The following PPP4R3A variants were observed in gnomAD, a reference collection of about 807,000 sequenced individuals.
The protein encoded by PPP4R3A is serine/threonine-protein phosphatase 4 regulatory subunit 3A.
In PPP4R3A, 15 loss-of-function variants were observed where a neutral mutation model predicts 91.7. The ratio of observed to expected loss-of-function variants is 0.16; its 90% CI spans 0.11 to 0.25. The LOEUF (loss-of-function observed/expected upper bound fraction) is 0.25, where lower values mean the gene tolerates loss of function less well. PPP4R3A is among the 10% of genes least tolerant of loss of function. The pLI, the probability that PPP4R3A is intolerant of heterozygous loss-of-function variation, is 1.00. For missense variants in PPP4R3A, 623 were observed against 998.4 expected (o/e 0.62, Z 5.07); for synonymous variants, 377 against 348.7 (o/e 1.08, Z -0.91).
intron 4 of PPP4R3A, among the ~76,000 whole-genome samples, chr14:91,481,144 G>A (rs1342355950): frequency 6.6e-6 from 1 of 152,158 alleles, no homozygotes; most frequent in Non-Finnish European, 1.5e-5. Flanking sequence ...GCCAGCCTGG[G>A]CAGTATGACA....
chr14:91,468,350 T>C (rs1183627398), intron 10 of PPP4R3A, among the ~76,000 whole-genome samples: 2 of 152,168 alleles, frequency 1.3e-5, no homozygotes, highest in African/African-American at 4.8e-5. Flanking sequence ...TCCTTTGCTT[T>C]CAGCTGCATT....
intron 2 of PPP4R3A, among the ~76,000 whole-genome samples, chr14:91,486,442 G>GATT (rs1488026842): frequency 6.6e-6 from 1 of 152,014 alleles, no homozygotes; most frequent in Non-Finnish European, 1.5e-5. Flanking sequence ...AAAGCACTGG[G>GATT]ATTACAGGCA....
intron 2 of PPP4R3A, among the ~76,000 whole-genome samples, chr14:91,488,203 T>TAA (rs11310905): frequency 2.1e-5 from 3 of 142,532 alleles, no homozygotes; most frequent in Non-Finnish European, 3.1e-5. Context: ...ACCCCATCTC[T>TAA]AAAAAAAAAA....
chr14:91,470,729 G>A lies in PPP4R3A; in HGVS notation c.1660+108C>T, dbSNP rs529940749. 22 of 1,265,400 alleles carry A rather than the reference G, an allele frequency of 1.7e-5. No individual in the cohort carries two copies. The East Asian group carries it at 2.2e-4, about 12-fold the overall frequency. 78.4% of individuals were successfully genotyped at this position (1,265,400 alleles called of 1,614,324 possible). On this transcript the variant is annotated intron_variant, in intron 10 of 14. Transcript: ENST00000554943. ...TAATCAGTGGCAGAGCTAGTATTAC[G>A]ACCTAGATCTCCTGACCTGTAATCA...
intron 2 of PPP4R3A, among the ~76,000 whole-genome samples, chr14:91,489,064 C>T (rs759637989): frequency 3.3e-5 from 5 of 152,016 alleles, no homozygotes; most frequent in Admixed American, 6.6e-5. Context: ...CCCGCCACCA[C>T]GCCCAGCTTA....
chr14:91,486,193 T>C (rs1414708279), intron 2 of PPP4R3A, among the ~76,000 whole-genome samples: 1 of 152,162 alleles, frequency 6.6e-6, no homozygotes, highest in African/African-American at 2.4e-5. Flanking sequence ...ATGAAGCCCT[T>C]GAAATTATTG....
rs373266136 is a variant in PPP4R3A, at chr14:91,490,309, A to G, written c.198+438T>C. Among the ~76,000 whole-genome samples the G allele has an allele frequency of 6.6e-4, 100 of 152,324 alleles. 1 individual carries two copies. Among genetic ancestry groups the G allele is most frequent in the South Asian group, 1.0e-3 (5 of 4,828 alleles). The stretch of plus-strand genomic sequence containing the variant: ...TTACCTTCAAAACTGTAGTATCATA[A>G]TAAGACCCTATTCAGGAATCTGTAA... On this transcript the variant is annotated intron_variant, in intron 2 of 14. Coordinates refer to ENST00000554943, the MANE Select transcript of PPP4R3A (RefSeq NM_001366432.2).
In PPP4R3A at chr14:91,458,212, G is replaced by A. The variant is rs1887887520; in HGVS notation, c.*547C>T. 6.5e-6 allele frequency: 1 copy of A among 153,252 alleles called. No individual in the cohort carries two copies. The highest frequency in any genetic ancestry group is 1.5e-5 in the Non-Finnish European group (1 of 68,704). The allele number at this position is 153,252 out of a possible 1,614,324, so 9.5% of individuals were successfully genotyped here. On this transcript the variant is annotated 3_prime_UTR_variant, in exon 15 of 15. Transcript: ENST00000554943. Reference sequence around the variant, plus strand: ...AAAAAAAAATATCTGCAGTTTGAAGGGCAAAGGGAACAGTTAAAAAAGAGG... The same window carrying A: ...AAAAAAAAATATCTGCAGTTTGAAGAGCAAAGGGAACAGTTAAAAAAGAGG...
intron 2 of PPP4R3A, among the ~76,000 whole-genome samples, chr14:91,486,337 T>C (rs1252182653): frequency 6.6e-6 from 1 of 152,056 alleles, no homozygotes; most frequent in Non-Finnish European, 1.5e-5. Flanking sequence ...TATTCAGAAC[T>C]TCTTAGTTTC....
intron 2 of PPP4R3A, 55 bp from the exon 3 acceptor site, chr14:91,485,785 AT>A: frequency 8.4e-7 from 1 of 1,186,014 alleles, no homozygotes; most frequent in South Asian, 1.5e-5. Context: ...ACAAACGAAA[AT>A]GAACAAACAA....
At chr14:91,473,554 A>T (rs1252168834) in intron 7 of PPP4R3A, among the ~76,000 whole-genome samples, 184 bp from the exon 8 acceptor site, 1 of 152,248 alleles carries the variant, frequency 6.6e-6, no homozygotes, top group Non-Finnish European at 1.5e-5. Flanking sequence ...AGTGTGGTAC[A>T]GGGACATAGC....
intron 1 of PPP4R3A, among the ~76,000 whole-genome samples, chr14:91,502,454 T>C (rs1050507755): frequency 2.0e-5 from 3 of 152,132 alleles, no homozygotes; most frequent in African/African-American, 7.2e-5. Context: ...AGTGAAATAC[T>C]TCCCCTTGTA....
At chr14:91,504,325 T>TAAAAAAAAAAA (rs35776205) in intron 1 of PPP4R3A, among the ~76,000 whole-genome samples, 1 of 115,002 alleles carries the variant, frequency 8.7e-6, no homozygotes. Context: ...TCTTAAAAAT[T>TAAAAAAAAAAA]AAAAAAAAAA....
chr14:91,502,854 T>C (rs1189794501), intron 1 of PPP4R3A, among the ~76,000 whole-genome samples: 1 of 152,240 alleles, frequency 6.6e-6, no homozygotes. Context: ...AAATTCAAGG[T>C]AAAAACTCAA....
chr14:91,500,758 A>G (rs934391979), intron 1 of PPP4R3A, among the ~76,000 whole-genome samples: 9 of 152,230 alleles, frequency 5.9e-5, no homozygotes, highest in Non-Finnish European at 8.8e-5. Flanking sequence ...ATGGTGGCTC[A>G]TTACTGTAAT....
chr14:91,487,885 G>A (rs1889993855), intron 2 of PPP4R3A, among the ~76,000 whole-genome samples: 1 of 152,160 alleles, frequency 6.6e-6, no homozygotes, highest in Non-Finnish European at 1.5e-5. Flanking sequence ...CCCAATGTTT[G>A]TATTTTTTGT....
chr14:91,459,010 C>A (rs749585288), intron 14 of PPP4R3A, 141 bp from the exon 15 acceptor site: 33 of 885,262 alleles, frequency 3.7e-5, no homozygotes, highest in Non-Finnish European at 5.3e-5. Flanking sequence ...TGTTAAACTT[C>A]AATTCATTAT....
chr14:91,473,681 G>A (rs1034742246), intron 7 of PPP4R3A, among the ~76,000 whole-genome samples: 1 of 152,222 alleles, frequency 6.6e-6, no homozygotes, highest in African/African-American at 2.4e-5. Context: ...TCTACCTTTT[G>A]AAGAAAGCCA....
chr14:91,462,912 A>G (rs1425416622), intron 11 of PPP4R3A, 35 bp from the exon 12 acceptor site: 1 of 1,528,484 alleles, frequency 6.5e-7, no homozygotes, highest in South Asian at 1.2e-5. Context: ...AAATGATAGG[A>G]AAATGTCATT....
Sources: allele counts gnomAD v4.1 joint callset (sites outside exome capture counted in the v4.1 genomes callset), GRCh38; gene constraint gnomAD v4.1.1; transcripts MANE v1.5; gene names NCBI Gene and HGNC (gene_info 2026-07-23, HGNC 2026-07-21).